The following USP28 variants were observed in gnomAD, a reference collection of about 807,000 sequenced individuals.
USP28 encodes the protein ubiquitin carboxyl-terminal hydrolase 28.
A neutral mutation model predicts 145.0 loss-of-function variants in USP28; 113 were observed. That is an observed-to-expected ratio of 0.78 (90% CI 0.67 to 0.91). The LOEUF is 0.91. USP28 is among the 40% of genes least tolerant of loss of function. The probability of loss-of-function intolerance (pLI) is 0.00; values close to 1 mark genes in which losing one functional copy is unlikely to be tolerated. For missense variants in USP28, 1,201 were observed against 1,289.6 expected (o/e 0.93, Z 1.05); for synonymous variants, 447 against 450.9 (o/e 0.99, Z 0.11).
intron 16 of USP28, among the ~76,000 whole-genome samples, chr11:113,811,737 T>A: frequency 6.7e-6 from 1 of 149,032 alleles, no homozygotes. Context: ...GGTGCAAAAA[T>A]ATATGTACTA....
chr11:113,861,725 A>C (rs1270950209), intron 1 of USP28, among the ~76,000 whole-genome samples: 2 of 152,174 alleles, frequency 1.3e-5, no homozygotes, highest in Non-Finnish European at 1.5e-5. Context: ...ATGCACATGA[A>C]TATATTTTTT....
At chr11:113,847,516 A>C (rs948436511) in intron 3 of USP28, among the ~76,000 whole-genome samples, 1 of 152,170 alleles carries the variant, frequency 6.6e-6, no homozygotes, top group Non-Finnish European at 1.5e-5. Context: ...AAACATACTT[A>C]ATGTTCTAAT....
chr11:113,818,807 G>A (rs1942153870), intron 12 of USP28, among the ~76,000 whole-genome samples: 2 of 151,580 alleles, frequency 1.3e-5, no homozygotes, highest in Admixed American at 1.3e-4. Flanking sequence ...ACTACAGTGA[G>A]CCAAGATCAT....
chr11:113,810,381 A>T (rs1344995326), intron 16 of USP28, among the ~76,000 whole-genome samples: 1 of 152,230 alleles, frequency 6.6e-6, no homozygotes, highest in African/African-American at 2.4e-5. Context: ...AAACAAAAAA[A>T]GTCTATAGCA....
At chr11:113,799,092 C>G (rs1445968954) in exon 25 of USP28, 2 of 867,692 alleles carry the variant, frequency 2.3e-6, no homozygotes, top group African/African-American at 3.4e-5. Flanking sequence ...TATTTTCAAT[C>G]CTTCTTTACA....
exon 18 of USP28, chr11:113,808,346 G>A (rs1940378729): frequency 4.3e-6 from 7 of 1,614,040 alleles, no homozygotes; most frequent in Non-Finnish European, 5.9e-6. Context: ...CACGGGCTGT[G>A]TTTGCAATAG....
At chr11:113,840,711 G>A (rs745453193) in exon 5 of USP28, 11 of 1,614,012 alleles carry the variant, frequency 6.8e-6, no homozygotes, top group Non-Finnish European at 9.3e-6. Context: ...ACTTCACAGC[G>A]TTTTCTCTTT....
chr11:113,858,411 T>C (rs1256577952), intron 1 of USP28, among the ~76,000 whole-genome samples: 1 of 152,150 alleles, frequency 6.6e-6, no homozygotes, highest in East Asian at 1.9e-4. Flanking sequence ...ACCTACATTA[T>C]TAAACTATGG....
chr11:113,874,423 G>GC, intron 1 of USP28: 1 of 412,952 alleles, frequency 2.4e-6, no homozygotes, highest in Admixed American at 1.1e-4. Context: ...AGACTCTGTC[G>GC]AAAAAAAAAA....
intron 5 of USP28, among the ~76,000 whole-genome samples, chr11:113,835,906 C>T (rs1944513526): frequency 6.6e-6 from 1 of 152,052 alleles, no homozygotes; most frequent in South Asian, 2.1e-4. Context: ...CATGGAGAAA[C>T]CCCATCTCTA....
chr11:113,826,563 T>C (rs1943361102), intron 11 of USP28, among the ~76,000 whole-genome samples: 1 of 151,520 alleles, frequency 6.6e-6, no homozygotes, highest in African/African-American at 2.4e-5. Flanking sequence ...CTCCTCGTCC[T>C]CCCAAAGTGC....
chr11:113,844,947 A>T (rs187361075), intron 3 of USP28, among the ~76,000 whole-genome samples: 3 of 151,842 alleles, frequency 2.0e-5, no homozygotes, highest in African/African-American at 4.8e-5. Context: ...TCTAAAAAAA[A>T]TTCAAAAGAA....
At chr11:113,875,330 C>T in intron 1 of USP28, 115 bp downstream of exon 1, 1 of 900,712 alleles carries the variant, frequency 1.1e-6, no homozygotes, top group Non-Finnish European at 1.4e-6. Context: ...CACCCCCTGT[C>T]CCGCCCGGCC....
chr11:113,842,419 A>T (rs925079538), intron 3 of USP28, among the ~76,000 whole-genome samples: 1 of 152,056 alleles, frequency 6.6e-6, no homozygotes, highest in Admixed American at 6.6e-5. Context: ...CCCCGTCTCT[A>T]CTAAAAATAC....
chr11:113,843,531 C>T (rs913883595), intron 3 of USP28, among the ~76,000 whole-genome samples: 5 of 151,512 alleles, frequency 3.3e-5, no homozygotes, highest in African/African-American at 4.9e-5. Context: ...ATTAGCCAGG[C>T]GCGGTGGTGT....
chr11:113,840,515 T>C, intron 5 of USP28, 83 bp downstream of exon 5: 1 of 1,507,148 alleles, frequency 6.6e-7, no homozygotes, highest in Non-Finnish European at 9.0e-7. Flanking sequence ...TTTAATCCTT[T>C]GAAAGCTATG....
chr11:113,853,653 T>A (rs1292276000), intron 2 of USP28, among the ~76,000 whole-genome samples: 1 of 151,908 alleles, frequency 6.6e-6, no homozygotes, highest in Non-Finnish European at 1.5e-5. Flanking sequence ...GTCGGGTGGA[T>A]CACTTGAGGT....
chr11:113,865,135 G>C (rs1005235308), intron 1 of USP28, among the ~76,000 whole-genome samples: 1 of 152,102 alleles, frequency 6.6e-6, no homozygotes, highest in South Asian at 2.1e-4. Context: ...CACTGCGTCT[G>C]GCCACGAAGA....
chr11:113,830,992 G>C (rs200478574), intron 8 of USP28, 49 bp from the exon 9 acceptor site: 1 of 1,594,332 alleles, frequency 6.3e-7, no homozygotes, highest in African/African-American at 1.4e-5. Context: ...ATTAAGATAT[G>C]TGCTACATAA....
Sources: allele counts gnomAD v4.1 joint callset (sites outside exome capture counted in the v4.1 genomes callset), GRCh38; gene constraint gnomAD v4.1.1; transcripts MANE v1.5; gene names NCBI Gene and HGNC (gene_info 2026-07-23, HGNC 2026-07-21).